Variants in TTLL5 observed in about 807,000 individuals in gnomAD.
TTLL5 encodes tubulin tyrosine ligase like 5, also known as tubulin polyglutamylase TTLL5.
TTLL5 carries 132 observed loss-of-function variants against 168.4 expected under a neutral mutation model. The ratio of observed to expected loss-of-function variants is 0.78; its 90% CI spans 0.68 to 0.91. TTLL5 has a LOEUF of 0.91. Among genes scored for constraint, TTLL5 ranks in the 40% least tolerant of loss-of-function variants. TTLL5 has a pLI of 0.00. For synonymous variants in TTLL5, 546 were observed against 558.6 expected, an observed-to-expected ratio of 0.98 and a Z score of 0.32; for missense variants, 1,545 against 1,581.5, an observed-to-expected ratio of 0.98 and a Z score of 0.39.
chr14:75,786,904 A>C (rs1203254987), intron 26 of TTLL5, among the ~76,000 whole-genome samples: 1 of 152,158 alleles, frequency 6.6e-6, no homozygotes, highest in Non-Finnish European at 1.5e-5. Context: ...AGGCCGAGTT[A>C]GGCAGATCGC....
At chr14:75,942,871 T>G (rs1293424249) in intron 31 of TTLL5, among the ~76,000 whole-genome samples, 1 of 152,198 alleles carries the variant, frequency 6.6e-6, no homozygotes, top group Non-Finnish European at 1.5e-5. Context: ...CTTTTTAGGG[T>G]AGTTCTGAAT....
intron 17 of TTLL5, among the ~76,000 whole-genome samples, chr14:75,747,853 T>A (rs1438300229): frequency 1.3e-5 from 2 of 152,212 alleles, no homozygotes; most frequent in Non-Finnish European, 2.9e-5. Context: ...ACTTTCACCC[T>A]ATACCTAAGC....
chr14:75,719,891 C>T, intron 11 of TTLL5, 65 bp downstream of exon 11: 1 of 1,496,420 alleles, frequency 6.7e-7, no homozygotes, highest in Non-Finnish European at 9.3e-7. Context: ...TTGTCTCTTG[C>T]CAGGAATCAT....
chr14:75,780,504 T>G (rs1566601188), intron 24 of TTLL5, among the ~76,000 whole-genome samples: 2 of 152,170 alleles, frequency 1.3e-5, no homozygotes, highest in Non-Finnish European at 2.9e-5. Context: ...CAAACAAAGC[T>G]CTGTGCTTTA....
intron 30 of TTLL5, among the ~76,000 whole-genome samples, chr14:75,901,037 A>G (rs2032900892): frequency 6.6e-6 from 1 of 152,260 alleles, no homozygotes; most frequent in Non-Finnish European, 1.5e-5. Context: ...TTGCTCAACA[A>G]AAACAAAGAA....
At chr14:75,821,822 T>G (rs1595099096) in intron 28 of TTLL5, among the ~76,000 whole-genome samples, 1 of 152,120 alleles carries the variant, frequency 6.6e-6, no homozygotes, top group Non-Finnish European at 1.5e-5. Flanking sequence ...TCTGACCCAT[T>G]CCAGCCAAAA....
At chr14:75,895,541 G>T (rs893047035) in intron 30 of TTLL5, among the ~76,000 whole-genome samples, 2 of 151,936 alleles carry the variant, frequency 1.3e-5, no homozygotes, top group South Asian at 2.1e-4. Flanking sequence ...AAAAATCCAT[G>T]TGTTGGAAAT....
At chr14:75,687,028 C>G (rs1276393250) in intron 5 of TTLL5, among the ~76,000 whole-genome samples, 6 of 152,156 alleles carry the variant, frequency 3.9e-5, no homozygotes, top group African/African-American at 1.4e-4. Flanking sequence ...TATTTATCAA[C>G]AGTCAAACTT....
rs1193347440 is a variant in TTLL5 at position 75,836,447 on chromosome 14, C to CAA, written c.3326+16295_3326+16296dup. Among the ~76,000 whole-genome samples the CAA allele has an allele frequency of 2.2e-4, 31 of 143,860 alleles. No individual in the cohort carries two copies. In the South Asian group the frequency reaches 6.0e-3, roughly 28 times the overall value. 94.4% of individuals were successfully genotyped at this position (143,860 alleles called of 152,430 possible). On this transcript the variant is annotated intron_variant, in intron 28 of 31. Coordinates refer to ENST00000298832, the MANE Select transcript of TTLL5 (RefSeq NM_015072.5). ...GGGAAGTGGGGATGGTTAATGGATA[C>CAA]AAAAAAAAAATAGAATGAGTAAGAC...
At chr14:75,852,478 A>C (rs886144130) in intron 28 of TTLL5, among the ~76,000 whole-genome samples, 2 of 152,112 alleles carry the variant, frequency 1.3e-5, no homozygotes, top group Non-Finnish European at 2.9e-5. Flanking sequence ...TGTGCTTTTG[A>C]CCTAGCATCA....
intron 31 of TTLL5, among the ~76,000 whole-genome samples, chr14:75,948,539 T>TGTA (rs916498006): frequency 9.2e-5 from 14 of 151,774 alleles, no homozygotes; most frequent in Non-Finnish European, 2.1e-4. Flanking sequence ...ACTTGACAAA[T>TGTA]GTAGGTAAAG....
chr14:75,908,980 A>G (rs1036505935), intron 31 of TTLL5, among the ~76,000 whole-genome samples: 2 of 151,676 alleles, frequency 1.3e-5, no homozygotes, highest in Non-Finnish European at 2.9e-5. Context: ...GTTTTGCCAT[A>G]TTGCCCAGGC....
At chr14:75,880,337 G>A (rs551076780) in intron 29 of TTLL5, among the ~76,000 whole-genome samples, 7 of 152,230 alleles carry the variant, frequency 4.6e-5, no homozygotes, top group South Asian at 2.1e-4. Flanking sequence ...AGTTGTCACC[G>A]TGGCAACATT....
intron 31 of TTLL5, among the ~76,000 whole-genome samples, chr14:75,938,807 G>A (rs1017948710): frequency 1.3e-5 from 2 of 152,140 alleles, no homozygotes; most frequent in Non-Finnish European, 2.9e-5. Flanking sequence ...ATGCCCCAGA[G>A]GCTTGTCATC....
At chr14:75,755,496 T>A (rs1890197697) in intron 18 of TTLL5, among the ~76,000 whole-genome samples, 1 of 152,082 alleles carries the variant, frequency 6.6e-6, no homozygotes, top group South Asian at 2.1e-4. Context: ...CTTCCTCCTC[T>A]ATCCTAGATT....
At chr14:75,661,665 G>T (rs1890735677) in intron 1 of TTLL5, 1 of 152,300 alleles carries the variant, frequency 6.6e-6, no homozygotes, top group African/African-American at 2.4e-5. Context: ...TCTTCCGATA[G>T]ACCTGTTTCT....
intron 15 of TTLL5, chr14:75,744,378 T>G (rs1889466794): frequency 1.3e-5 from 2 of 152,256 alleles, no homozygotes; most frequent in South Asian, 4.1e-4. Flanking sequence ...TGTTTTCAGA[T>G]GACCTCCCTC....
chr14:75,696,474 C>G (rs1243779817), intron 6 of TTLL5, among the ~76,000 whole-genome samples: 3 of 152,092 alleles, frequency 2.0e-5, no homozygotes. Context: ...TCAGTCTGCT[C>G]AGTATCTGGG....
intron 31 of TTLL5, chr14:75,904,345 CTG>C (rs1235704682): frequency 2.5e-6 from 2 of 811,978 alleles, no homozygotes; most frequent in Non-Finnish European, 3.1e-6. Context: ...TGAAGGATTT[CTG>C]TGAGATACCC....
Sources: allele counts gnomAD v4.1 joint callset (sites outside exome capture counted in the v4.1 genomes callset), GRCh38; gene constraint gnomAD v4.1.1; transcripts MANE v1.5; gene names NCBI Gene and HGNC (gene_info 2026-07-23, HGNC 2026-07-21).